Variants in UGT1A9 observed in about 807,000 individuals in gnomAD.
UGT1A9 encodes the protein UDP glucuronosyltransferase family 1 member A9, also known as UDP-glucuronosyltransferase 1A9.
UGT1A9 carries 35 observed loss-of-function variants against 45.0 expected under a neutral mutation model. The observed-to-expected ratio is 0.78, with a 90% CI of 0.59 to 1.03. The LOEUF is 1.03. UGT1A9 is among the 50% of genes least tolerant of loss of function. UGT1A9 has a pLI of 0.00. For missense variants in UGT1A9, 687 were observed against 666.6 expected (o/e 1.03, Z -0.34); for synonymous variants, 278 against 250.6 (o/e 1.11, Z -1.03).
At chr2:233,734,582 T>C (rs1259652945) in intron 1 of UGT1A9, among the ~76,000 whole-genome samples, 1 of 152,210 alleles carries the variant, frequency 6.6e-6, no homozygotes, top group African/African-American at 2.4e-5. Context: ...CTCTTGCTTA[T>C]CTAGTTCTTT....
intron 1 of UGT1A9, among the ~76,000 whole-genome samples, chr2:233,765,887 T>C (rs1279202147): frequency 1.3e-5 from 2 of 152,030 alleles, no homozygotes; most frequent in African/African-American, 2.4e-5. Flanking sequence ...ACTTTCTCAG[T>C]GCGCCACTGC....
At chr2:233,752,806 A>T (rs1429691743) in intron 1 of UGT1A9, among the ~76,000 whole-genome samples, 1 of 152,230 alleles carries the variant, frequency 6.6e-6, no homozygotes, top group Non-Finnish European at 1.5e-5. Flanking sequence ...TGTAGAAGGA[A>T]CACTTCCCAT....
chr2:233,729,302 T>A, intron 1 of UGT1A9: 1 of 1,614,250 alleles, frequency 6.2e-7, no homozygotes, highest in Non-Finnish European at 8.5e-7. Context: ...CACCAGGCAG[T>A]GGTCCTCACC....
At chr2:233,771,921 C>T (rs1320163418) in intron 4 of UGT1A9, among the ~76,000 whole-genome samples, 1 of 151,966 alleles carries the variant, frequency 6.6e-6, no homozygotes, top group East Asian at 1.9e-4. Context: ...AGTAACACAG[C>T]CTGGGCAACA....
chr2:233,695,585 C>T (rs1169249848), intron 1 of UGT1A9, among the ~76,000 whole-genome samples: 1 of 151,918 alleles, frequency 6.6e-6, no homozygotes, highest in African/African-American at 2.4e-5. Flanking sequence ...CCTACTTACC[C>T]TTTCCACCTT....
intron 2 of UGT1A9, 109 bp downstream of exon 2, chr2:233,767,274 T>C (rs1575825821): frequency 5.7e-6 from 9 of 1,580,016 alleles, no homozygotes. Context: ...ATTTGGCTTT[T>C]CCCTGCCACT....
At position 233,684,025 on chromosome 2, in the gene UGT1A9, T is replaced by C. The variant is rs28898569; in HGVS notation, c.855+11236T>C. On this transcript the variant is annotated intron_variant, in intron 1 of 4. Coordinates refer to ENST00000354728, the MANE Select transcript of UGT1A9 (RefSeq NM_021027.3). Reference sequence around the variant, plus strand: ...AAGAGTAAGATTCTTGGCAAATGCATAGTTGCTAAATCCAGGTGAAACACC... The same window carrying C: ...AAGAGTAAGATTCTTGGCAAATGCACAGTTGCTAAATCCAGGTGAAACACC... Among the ~76,000 whole-genome samples the C allele has an allele frequency of 3.7e-3, 565 of 152,300 alleles. 7 individuals carry two copies. The highest frequency in any genetic ancestry group is 0.013 in the African/African-American group (541 of 41,568).
intron 4 of UGT1A9, among the ~76,000 whole-genome samples, chr2:233,771,783 TCTCCCTCCCTCC>T (rs562104634): frequency 6.6e-6 from 1 of 151,556 alleles, no homozygotes; most frequent in African/African-American, 2.4e-5. Context: ...TCCTTTCCTC[TCTCCCTCCCTCC>T]CTCCCTCCCT....
intron 1 of UGT1A9, chr2:233,747,131 T>C: frequency 6.5e-7 from 1 of 1,533,260 alleles, no homozygotes; most frequent in Non-Finnish European, 8.8e-7. Flanking sequence ...AGTGGCTCAG[T>C]GACAAGGTAA....
rs371183955 is a variant in UGT1A9, at chr2:233,772,416, C to T, written c.1450C>T (p.His484Tyr). 1.7e-5 allele frequency: 28 copies of T among 1,614,228 alleles called. 1 individual carries two copies. The East Asian group carries it at 2.5e-4, about 14-fold the overall frequency. ...AAHDLTWYQY[H>Y]SLDVIGFLLA... ...CCACGACCTCACCTGGTACCAGTAC[C>T]ATTCCTTGGACGTGATTGGTTTCCT... Residue 484 changes from histidine to tyrosine, a missense_variant, in exon 5 of 5, where the codon CAT becomes TAT. Transcript: ENST00000354728.
intron 1 of UGT1A9, among the ~76,000 whole-genome samples, chr2:233,728,333 C>T (rs2077701109): frequency 6.6e-6 from 1 of 152,198 alleles, no homozygotes; most frequent in Admixed American, 6.5e-5. Context: ...CCAGCTCCCC[C>T]AGTCCCTTGG....
chr2:233,769,797 A>G lies in UGT1A9; in HGVS notation c.1295+1358A>G. The G allele has an allele frequency of 1.7e-6, 2 of 1,194,568 alleles. No individual in the cohort carries two copies. Among genetic ancestry groups the G allele is most frequent in the Non-Finnish European group, 2.2e-6 (2 of 895,402 alleles). The allele number at this position is 1,194,568 out of a possible 1,614,324, so 74.0% of individuals were successfully genotyped here. A position where few individuals can be genotyped will look rare whatever the true frequency, so the allele number is the denominator to read the frequency against. ...TTGAGCCCAGAAGTTGGAGGCTGCT[A>G]TGAGCCGTGATCATGCCACTGCACT... On this transcript the variant is annotated intron_variant, in intron 4 of 4. Transcript: ENST00000354728. This position sits in a 1 kb window ranked among gnomAD's most constrained non-coding sequence, Gnocchi z 4.4.
At chr2:233,708,724 C>G (rs1198827860) in intron 1 of UGT1A9, 1 of 152,188 alleles carries the variant, frequency 6.6e-6, no homozygotes, top group Non-Finnish European at 1.5e-5. Flanking sequence ...GCACCTCAGC[C>G]TGGGCAACAG....
Position 233,740,507 on chromosome 2 carries a change from T to C in UGT1A9, c.856-26527T>C, listed in dbSNP as rs1011982264. ...CTTCCAGATGCTTTCCAGTGTGTGA[T>C]GTAAGCTGAACTAAAATCAGCTGTG... On this transcript the variant is annotated intron_variant, in intron 1 of 4. Coordinates refer to ENST00000354728, the MANE Select transcript of UGT1A9 (RefSeq NM_021027.3). Among the ~76,000 whole-genome samples the C allele has an allele frequency of 1.6e-4, 24 of 151,884 alleles. 2 individuals carry two copies. Among genetic ancestry groups the C allele is most frequent in the African/African-American group, 5.6e-4 (23 of 41,150 alleles).
intron 1 of UGT1A9, among the ~76,000 whole-genome samples, chr2:233,698,385 C>T (rs935574429): frequency 2.0e-5 from 3 of 152,082 alleles, no homozygotes; most frequent in East Asian, 1.9e-4. Context: ...TTCACTTTAG[C>T]GTGGTGAATT....
chr2:233,707,574 G>C (rs897653456), intron 1 of UGT1A9, among the ~76,000 whole-genome samples: 6 of 150,032 alleles, frequency 4.0e-5, no homozygotes, highest in African/African-American at 4.9e-5. Flanking sequence ...ATGTTTGAGA[G>C]ATTCATGATG....
intron 1 of UGT1A9, among the ~76,000 whole-genome samples, chr2:233,751,658 T>G (rs978244282): frequency 2.0e-5 from 3 of 152,214 alleles, no homozygotes; most frequent in African/African-American, 7.2e-5. Context: ...CTCATCCTAC[T>G]GAGTGAGTTC....
At chr2:233,679,436 C>G (rs752875090) in intron 1 of UGT1A9, among the ~76,000 whole-genome samples, 5 of 152,206 alleles carry the variant, frequency 3.3e-5, no homozygotes, top group Admixed American at 6.5e-5. Context: ...GCAGTCCTGA[C>G]TGTAAACTTG....
At chr2:233,755,384 G>A in intron 1 of UGT1A9, 2 of 348,148 alleles carry the variant, frequency 5.7e-6, no homozygotes, top group Non-Finnish European at 1.1e-5. Context: ...CGCCCCTTAT[G>A]ACGCAGCCAC....
Sources: allele counts gnomAD v4.1 joint callset (sites outside exome capture counted in the v4.1 genomes callset), GRCh38; gene constraint gnomAD v4.1.1; non-coding constraint Gnocchi (gnomAD v3.1); transcripts MANE v1.5; gene names NCBI Gene and HGNC (gene_info 2026-07-23, HGNC 2026-07-21).